The following TSPAN18 variants were observed in gnomAD, a reference collection of about 807,000 sequenced individuals.
The protein encoded by TSPAN18 is tetraspanin-18.
A neutral mutation model predicts 27.3 loss-of-function variants in TSPAN18; 14 were observed. The observed-to-expected ratio is 0.51, with a 90% CI of 0.34 to 0.80. The LOEUF (loss-of-function observed/expected upper bound fraction) is 0.80. Among genes scored for constraint, TSPAN18 ranks in the 30% least tolerant of loss-of-function variants. The pLI, the probability that TSPAN18 is intolerant of heterozygous loss-of-function variation, is 0.01. For missense variants in TSPAN18, 268 were observed against 323.9 expected (o/e 0.83, Z 1.32); for synonymous variants, 143 against 136.5 (o/e 1.05, Z -0.33).
At chr11:44,869,466 G>A (rs1260364459) in intron 3 of TSPAN18, among the ~76,000 whole-genome samples, 1 of 152,196 alleles carries the variant, frequency 6.6e-6, no homozygotes, top group African/African-American at 2.4e-5. Flanking sequence ...TGTACAACCA[G>A]GAACAAGTCA....
intron 1 of TSPAN18, among the ~76,000 whole-genome samples, chr11:44,745,349 T>C (rs1397047411): frequency 1.3e-5 from 2 of 151,976 alleles, no homozygotes; most frequent in East Asian, 3.9e-4. Flanking sequence ...CAGTAGAGAG[T>C]AGGGTTTTCC....
intron 2 of TSPAN18, among the ~76,000 whole-genome samples, chr11:44,780,026 C>T (rs1201145982): frequency 6.6e-6 from 1 of 152,248 alleles, no homozygotes; most frequent in East Asian, 1.9e-4. Flanking sequence ...CGCATCTATG[C>T]ATACACCTGT....
chr11:44,786,037 T>C (rs538559787), intron 2 of TSPAN18, among the ~76,000 whole-genome samples: 3 of 152,396 alleles, frequency 2.0e-5, no homozygotes, highest in African/African-American at 7.2e-5. Context: ...TGCTGAGCAC[T>C]GTGCCTCATG....
At chr11:44,810,185 A>G (rs1218672587) in intron 2 of TSPAN18, among the ~76,000 whole-genome samples, 1 of 152,234 alleles carries the variant, frequency 6.6e-6, no homozygotes, top group Non-Finnish European at 1.5e-5. Context: ...TAAAGTGTGC[A>G]ATTCAGTGGC....
At chr11:44,810,728 C>T (rs969748353) in intron 2 of TSPAN18, among the ~76,000 whole-genome samples, 2 of 151,742 alleles carry the variant, frequency 1.3e-5, no homozygotes, top group Non-Finnish European at 2.9e-5. Flanking sequence ...ACCTCAGCCT[C>T]CCAAGTAGCT....
chr11:44,750,890 G>T (rs1030137149), intron 1 of TSPAN18, among the ~76,000 whole-genome samples: 7 of 152,240 alleles, frequency 4.6e-5, no homozygotes, highest in Non-Finnish European at 7.3e-5. Flanking sequence ...TGACTTACAG[G>T]CAGTGCCCTC....
chr11:44,877,099 T>C (rs1249700228), intron 3 of TSPAN18, among the ~76,000 whole-genome samples: 2 of 152,228 alleles, frequency 1.3e-5, no homozygotes, highest in Non-Finnish European at 2.9e-5. Flanking sequence ...GGAAGGGCCA[T>C]GCACTGCCGC....
At chr11:44,807,811 G>T (rs1363354359) in intron 2 of TSPAN18, among the ~76,000 whole-genome samples, 1 of 152,174 alleles carries the variant, frequency 6.6e-6, no homozygotes, top group Non-Finnish European at 1.5e-5. Context: ...AAACCTCTGT[G>T]GCCCAGCTGA....
chr11:44,910,602 C>T (rs1286015611), intron 5 of TSPAN18, among the ~76,000 whole-genome samples: 1 of 152,260 alleles, frequency 6.6e-6, no homozygotes, highest in Admixed American at 6.5e-5. Context: ...TCCTTAGTAA[C>T]ATCGCTAAGA....
chr11:44,799,385 CA>C (rs1856425042), intron 2 of TSPAN18, among the ~76,000 whole-genome samples: 1 of 152,208 alleles, frequency 6.6e-6, no homozygotes, highest in Non-Finnish European at 1.5e-5. Flanking sequence ...CCCACGACAC[CA>C]TGCCAACCTC....
intron 8 of TSPAN18, among the ~76,000 whole-genome samples, chr11:44,924,127 G>C (rs1159314229): frequency 6.6e-6 from 1 of 151,920 alleles, no homozygotes; most frequent in Non-Finnish European, 1.5e-5. Flanking sequence ...GTGTGTGTGT[G>C]TGTGATTATA....
At chr11:44,790,346 TTGG>T (rs1361828831) in intron 2 of TSPAN18, among the ~76,000 whole-genome samples, 111 of 150,270 alleles carry the variant, frequency 7.4e-4, no homozygotes, top group African/African-American at 2.7e-3. Context: ...TGTGCATGTG[TTGG>T]TGTGTGTGGG....
chr11:44,771,506 C>T (rs1041161378), intron 2 of TSPAN18, among the ~76,000 whole-genome samples: 1 of 152,178 alleles, frequency 6.6e-6, no homozygotes, highest in Admixed American at 6.5e-5. Flanking sequence ...GTGACAGGAG[C>T]AGCAGATGCA....
rs1210657347 is a variant in TSPAN18 at position 44,847,604 on chromosome 11, G to A, written c.-152-12724G>A. ...TGCTGCTATAAACATTTGTGTACCA[G>A]TATTTGTTTGACTCCCTGACTTCAG... On this transcript the variant is annotated intron_variant, in intron 2 of 9. Coordinates refer to ENST00000520358, the MANE Select transcript of TSPAN18 (RefSeq NM_130783.5). Among the ~76,000 whole-genome samples the A allele has an allele frequency of 3.3e-5, 5 of 152,142 alleles. No homozygotes were observed. The East Asian group carries it at 7.7e-4, about 23-fold the overall frequency.
At chr11:44,783,307 C>T (rs1855981384) in intron 2 of TSPAN18, among the ~76,000 whole-genome samples, 1 of 151,880 alleles carries the variant, frequency 6.6e-6, no homozygotes, top group African/African-American at 2.4e-5. Context: ...CACTGTTCAT[C>T]GAAACACACT....
At chr11:44,920,705 C>T (rs184706583) in intron 8 of TSPAN18, among the ~76,000 whole-genome samples, 1,530 of 151,692 alleles carry the variant, frequency 0.01, 35 homozygotes, top group African/African-American at 0.035. Flanking sequence ...AGGGAGAGGA[C>T]GAGGGTGATC....
intron 2 of TSPAN18, among the ~76,000 whole-genome samples, chr11:44,791,545 AC>A (rs574423031): frequency 1.3e-5 from 2 of 151,826 alleles, no homozygotes; most frequent in South Asian, 2.1e-4. Flanking sequence ...GATGCCACCC[AC>A]CCCGCCTCCT....
chr11:44,806,351 T>A (rs1270616203), intron 2 of TSPAN18, among the ~76,000 whole-genome samples: 1 of 152,228 alleles, frequency 6.6e-6, no homozygotes, highest in African/African-American at 2.4e-5. Flanking sequence ...TAAAGCATTG[T>A]TATACTGTAT....
chr11:44,785,680 C>T (rs1055938439), intron 2 of TSPAN18, among the ~76,000 whole-genome samples: 3 of 152,160 alleles, frequency 2.0e-5, no homozygotes, highest in Admixed American at 6.5e-5. Flanking sequence ...TGGGGCCTCC[C>T]CCTGCCCCTT....
Sources: gnomAD v4.1 joint callset for allele counts (sites outside exome capture counted in the v4.1 genomes callset) on GRCh38, gnomAD v4.1.1 for gene constraint, MANE v1.5 for transcripts, NCBI Gene and HGNC (gene_info 2026-07-23, HGNC 2026-07-21) for gene names.